The following POR variants were observed in gnomAD, a reference collection of about 807,000 sequenced individuals.
POR encodes cytochrome p450 oxidoreductase.
POR carries 56 observed loss-of-function variants against 84.0 expected under a neutral mutation model. That is an observed-to-expected ratio of 0.67 (90% CI 0.54 to 0.83). The LOEUF is 0.83. POR is among the 40% of genes least tolerant of loss of function. The pLI, the probability that POR is intolerant of heterozygous loss-of-function variation, is 0.00. For missense variants in POR, 938 were observed against 944.3 expected, an observed-to-expected ratio of 0.99 and a Z score of 0.09; for synonymous variants, 414 against 400.5, an observed-to-expected ratio of 1.03 and a Z score of -0.40.
chr7:75,972,382 C>G, intron 2 of POR, 31 bp from the exon 3 acceptor site: 1 of 1,599,278 alleles, frequency 6.3e-7, no homozygotes, highest in Non-Finnish European at 8.5e-7. Flanking sequence ...ACACCTGCCT[C>G]CCACGCTCAT....
chr7:75,939,360 G>A (rs1807851051), intron 1 of POR, among the ~76,000 whole-genome samples: 1 of 152,192 alleles, frequency 6.6e-6, no homozygotes, highest in Non-Finnish European at 1.5e-5. Context: ...CCTCGTGCGG[G>A]TTCCAGGCCT....
In POR at chr7:75,959,176, C is replaced by T. The variant is rs544038046; in HGVS notation, c.188+4996C>T. ...TTGCTTAAGCCCAGGAGTTGGAGACCAGCCTGGGCAACGTAGCAAGGCCCT... is the reference window on the plus strand; with the variant it reads ...TTGCTTAAGCCCAGGAGTTGGAGACTAGCCTGGGCAACGTAGCAAGGCCCT... On this transcript the variant is annotated intron_variant, in intron 2 of 15. Coordinates refer to ENST00000461988, the MANE Select transcript of POR (RefSeq NM_000941.3). Among the ~76,000 whole-genome samples, 4 of 152,246 alleles carry T rather than the reference C, an allele frequency of 2.6e-5. No homozygotes were observed. In the South Asian group the frequency reaches 8.3e-4, roughly 32 times the overall value.
chr7:75,953,372 A>C (rs1414164293), intron 1 of POR, among the ~76,000 whole-genome samples: 1 of 151,174 alleles, frequency 6.6e-6, no homozygotes, highest in Non-Finnish European at 1.5e-5. Context: ...AAAAAAAAAA[A>C]GACTCCCAGG....
At chr7:75,943,046 G>T (rs1787009405) in intron 1 of POR, among the ~76,000 whole-genome samples, 1 of 151,556 alleles carries the variant, frequency 6.6e-6, no homozygotes, top group East Asian at 1.9e-4. Flanking sequence ...CCACCTCCCA[G>T]GTTCAAGTGT....
chr7:75,976,210 T>G (rs1187170462), intron 3 of POR, among the ~76,000 whole-genome samples: 3 of 152,172 alleles, frequency 2.0e-5, no homozygotes, highest in Admixed American at 2.0e-4. Flanking sequence ...CATGAGCACT[T>G]TCTCTTCTAT....
chr7:75,974,524 C>CTTTTTT (rs1238804117), intron 3 of POR, among the ~76,000 whole-genome samples: 888 of 107,746 alleles, frequency 8.2e-3, no homozygotes, highest in East Asian at 0.013. Flanking sequence ...TTTTTCTTTT[C>CTTTTTT]TTTTTTTTTT....
intron 2 of POR, among the ~76,000 whole-genome samples, chr7:75,963,957 T>TTA (rs1413712560): frequency 6.6e-6 from 1 of 151,966 alleles, no homozygotes; most frequent in East Asian, 1.9e-4. Flanking sequence ...ATGACAAAAA[T>TTA]TATATATATT....
rs139531516 is a variant in POR at position 75,958,754 on chromosome 7, A to G, written c.188+4574A>G. ...CAGTGCTTAGGGAGGCTGAGGCACA[A>G]AGATTGCTTGAGCCAGGAGTTCAAG... On this transcript the variant is annotated intron_variant, in intron 2 of 15. Coordinates refer to ENST00000461988, the MANE Select transcript of POR (RefSeq NM_000941.3). Among the ~76,000 whole-genome samples, 526 of 152,164 alleles carry G rather than the reference A, an allele frequency of 3.5e-3. 2 individuals carry two copies. Among genetic ancestry groups the G allele is most frequent in the African/African-American group, 0.012 (503 of 41,524 alleles).
Position 75,984,511 on chromosome 7 carries a change from G to GCA in POR, c.1067-263_1067-262dup, listed in dbSNP as rs1394294947. On this transcript the variant is annotated intron_variant, in intron 10 of 15. Coordinates refer to ENST00000461988, the MANE Select transcript of POR (RefSeq NM_000941.3). Reference sequence around the variant, plus strand: ...TCAGACCGTGTAGTGTGCGGTGAAAGCACAGCGGGTGCGTTAGTGTGCAGG... The same window carrying GCA: ...TCAGACCGTGTAGTGTGCGGTGAAAGCACACAGCGGGTGCGTTAGTGTGCAGG... 5.3e-5 allele frequency among the ~76,000 whole-genome samples: 8 copies of GCA among 152,290 alleles called. No homozygotes were observed. In the East Asian group the frequency reaches 1.2e-3, roughly 22 times the overall value.
At chr7:75,936,060 C>G (rs1416545137) in intron 1 of POR, among the ~76,000 whole-genome samples, 3 of 149,910 alleles carry the variant, frequency 2.0e-5, no homozygotes, top group African/African-American at 7.4e-5. Flanking sequence ...ATTAACTTTT[C>G]CAGTGTCTTT....
At chr7:75,951,066 C>T (rs1178642721) in intron 1 of POR, among the ~76,000 whole-genome samples, 3 of 63,404 alleles carry the variant, frequency 4.7e-5, no homozygotes, top group Non-Finnish European at 1.0e-4. Flanking sequence ...CCCCCGGCCC[C>T]CCCCCCCCCC....
At chr7:75,972,181 A>AGGGGAAATGGGAAGGGTGAGCTGGT (rs1788473371) in intron 2 of POR, among the ~76,000 whole-genome samples, 1 of 152,052 alleles carries the variant, frequency 6.6e-6, no homozygotes, top group South Asian at 2.1e-4. Context: ...GCTTTACTGT[A>AGGGGAAATGGGAAGGGTGAGCTGGT]GGGGAAATGG....
intron 2 of POR, among the ~76,000 whole-genome samples, chr7:75,962,568 G>A (rs1554554658): frequency 2.0e-5 from 3 of 152,174 alleles, no homozygotes; most frequent in African/African-American, 7.2e-5. Flanking sequence ...CTCCCAAAGT[G>A]CTAGGATTAG....
At chr7:75,948,531 C>T (rs555170191) in intron 1 of POR, among the ~76,000 whole-genome samples, 1 of 152,154 alleles carries the variant, frequency 6.6e-6, no homozygotes, top group Non-Finnish European at 1.5e-5. Flanking sequence ...GCTGTGAGTG[C>T]AGGTGTTAGA....
At position 75,954,602 on chromosome 7, in the gene POR, C is replaced by T. The variant is rs551412502; in HGVS notation, c.188+422C>T. 5.9e-5 allele frequency among the ~76,000 whole-genome samples: 9 copies of T among 151,984 alleles called. No homozygotes were observed. In the South Asian group the frequency reaches 1.7e-3, roughly 28 times the overall value. Reference sequence around the variant, plus strand: ...AGGCTGGAGTGCAATGGCGGTGGCACGATCAAGGTTCACTGTAATCTCCAC... The same window carrying T: ...AGGCTGGAGTGCAATGGCGGTGGCATGATCAAGGTTCACTGTAATCTCCAC... On this transcript the variant is annotated intron_variant, in intron 2 of 15. Coordinates refer to ENST00000461988, the MANE Select transcript of POR (RefSeq NM_000941.3).
At position 75,934,177 on chromosome 7, in the gene POR, G is replaced by T. The variant is rs1427751362; in HGVS notation, c.-5+18998G>T. Among the ~76,000 whole-genome samples, 7 of 136,042 alleles carry T rather than the reference G, an allele frequency of 5.1e-5. 1 individual carries two copies. The highest frequency in any genetic ancestry group is 3.1e-4 in the Admixed American group (4 of 12,810). 89.2% of individuals were successfully genotyped at this position (136,042 alleles called of 152,430 possible). A position where few individuals can be genotyped will look rare whatever the true frequency, so the allele number is the denominator to read the frequency against. On this transcript the variant is annotated intron_variant, in intron 1 of 15. Coordinates refer to ENST00000461988, the MANE Select transcript of POR (RefSeq NM_000941.3). ...TGTGTGTGTGTGTGTGTGTGTCTTAGATCACTCAGTCTTTGTTTATCTTTC... is the reference window on the plus strand; with the variant it reads ...TGTGTGTGTGTGTGTGTGTGTCTTATATCACTCAGTCTTTGTTTATCTTTC...
At chr7:75,918,344 T>A (rs1806680956) in intron 1 of POR, among the ~76,000 whole-genome samples, 1 of 152,096 alleles carries the variant, frequency 6.6e-6, no homozygotes, top group African/African-American at 2.4e-5. Context: ...TGTTTTGCTG[T>A]GCAGTTTTGT....
At chr7:75,927,172 C>T (rs1807171379) in intron 1 of POR, among the ~76,000 whole-genome samples, 1 of 152,080 alleles carries the variant, frequency 6.6e-6, no homozygotes, top group South Asian at 2.1e-4. Flanking sequence ...ATTACAGCTC[C>T]TGTATGTCAG....
chr7:75,966,978 G>GT (rs112090533), intron 2 of POR, among the ~76,000 whole-genome samples: 9 of 152,112 alleles, frequency 5.9e-5, no homozygotes, highest in African/African-American at 1.9e-4. Context: ...GGTTTTGTTT[G>GT]TTTTTTCTTG....
Sources: gnomAD v4.1 joint callset for allele counts (sites outside exome capture counted in the v4.1 genomes callset) on GRCh38, gnomAD v4.1.1 for gene constraint, MANE v1.5 for transcripts, NCBI Gene and HGNC (gene_info 2026-07-23, HGNC 2026-07-21) for gene names.